Variants in NDST4 observed in about 807,000 individuals in gnomAD.
The protein encoded by NDST4 is N-deacetylase and N-sulfotransferase 4.
In NDST4, 63 loss-of-function variants were observed where a neutral mutation model predicts 100.8. The observed-to-expected ratio is 0.62, with a 90% CI of 0.51 to 0.77. The LOEUF (loss-of-function observed/expected upper bound fraction) is 0.77. Among genes scored for constraint, NDST4 ranks in the 30% least tolerant of loss-of-function variants. NDST4 has a pLI of 0.00. For missense variants in NDST4, 943 were observed against 1,018.4 expected, an observed-to-expected ratio of 0.93 and a Z score of 1.01; for synonymous variants, 377 against 361.8, an observed-to-expected ratio of 1.04 and a Z score of -0.48.
At chr4:114,829,743 T>C in intron 13 of NDST4, 47 bp downstream of exon 13, 1 of 1,426,230 alleles carries the variant, frequency 7.0e-7, no homozygotes, top group Non-Finnish European at 9.6e-7. Context: ...AAATAGCTGT[T>C]TGCAAATATT....
chr4:114,846,814 T>C (rs975019955), intron 9 of NDST4, among the ~76,000 whole-genome samples: 1 of 152,198 alleles, frequency 6.6e-6, no homozygotes, highest in Non-Finnish European at 1.5e-5. Context: ...ACATTTGTTA[T>C]TATGTTTCCC....
chr4:114,959,935 A>T (rs1726223971), intron 4 of NDST4, among the ~76,000 whole-genome samples: 1 of 152,184 alleles, frequency 6.6e-6, no homozygotes, highest in African/African-American at 2.4e-5. Flanking sequence ...CACATATAAG[A>T]AGCTCAGTGA....
At position 114,890,198 on chromosome 4, in the gene NDST4, TAA is replaced by T. The variant is rs1464557346; in HGVS notation, c.1537-19250_1537-19249del. On this transcript the variant is annotated intron_variant, in intron 6 of 13. Transcript: ENST00000264363. ...GTTAACAATGGAAAGCTCTGTTTTA[TAA>T]AGTCTCTTGACATCTTTTTTTGTAG... Among the ~76,000 whole-genome samples, 5 of 152,276 alleles carry T rather than the reference TAA, an allele frequency of 3.3e-5. No individual in the cohort carries two copies. The East Asian group carries it at 5.8e-4, about 18-fold the overall frequency.
intron 6 of NDST4, among the ~76,000 whole-genome samples, chr4:114,924,185 A>C (rs1483879066): frequency 6.6e-6 from 1 of 152,150 alleles, no homozygotes; most frequent in Non-Finnish European, 1.5e-5. Flanking sequence ...CTATTGTGGA[A>C]AATTGAAACA....
intron 2 of NDST4, among the ~76,000 whole-genome samples, chr4:114,989,204 C>A (rs1328482555): frequency 6.6e-6 from 1 of 152,114 alleles, no homozygotes; most frequent in African/African-American, 2.4e-5. Flanking sequence ...AACAGCAATA[C>A]CAAAAATGCA....
intron 2 of NDST4, among the ~76,000 whole-genome samples, chr4:114,987,853 G>A (rs1726946757): frequency 6.6e-6 from 1 of 152,140 alleles, no homozygotes; most frequent in Admixed American, 6.5e-5. Flanking sequence ...TTAAGTGAAT[G>A]TCTGATCATG....
chr4:114,916,718 G>T (rs1455012145), intron 6 of NDST4, among the ~76,000 whole-genome samples: 2 of 150,984 alleles, frequency 1.3e-5, no homozygotes, highest in African/African-American at 4.9e-5. Flanking sequence ...TTAGAGACAG[G>T]GTCTTACCAT....
chr4:114,899,416 A>G (rs528789618), intron 6 of NDST4, among the ~76,000 whole-genome samples: 103 of 152,202 alleles, frequency 6.8e-4, no homozygotes, highest in African/African-American at 2.4e-3. Flanking sequence ...TGACTTCATG[A>G]TCCACCCACC....
At chr4:114,868,798 T>G (rs901654383) in intron 7 of NDST4, among the ~76,000 whole-genome samples, 1 of 151,614 alleles carries the variant, frequency 6.6e-6, no homozygotes, top group Non-Finnish European at 1.5e-5. Context: ...TATATGAAAA[T>G]TCCTAAACTT....
At chr4:115,107,572 T>C (rs1481317151) in intron 1 of NDST4, among the ~76,000 whole-genome samples, 1 of 152,064 alleles carries the variant, frequency 6.6e-6, no homozygotes, top group Non-Finnish European at 1.5e-5. Flanking sequence ...GAAAGGCATT[T>C]CCTGACCAGT....
chr4:114,964,938 T>G (rs1443046294), intron 4 of NDST4, among the ~76,000 whole-genome samples: 3 of 151,056 alleles, frequency 2.0e-5, no homozygotes, highest in Non-Finnish European at 4.5e-5. Flanking sequence ...AATTTCCTTC[T>G]TTTTTCAATG....
At chr4:115,036,770 T>C (rs2126272243) in intron 2 of NDST4, among the ~76,000 whole-genome samples, 1 of 151,994 alleles carries the variant, frequency 6.6e-6, no homozygotes, top group Non-Finnish European at 1.5e-5. Flanking sequence ...GTCTTAAACA[T>C]AAAGATATTA....
intron 10 of NDST4, 54 bp downstream of exon 10, chr4:114,845,769 C>A: frequency 1.4e-6 from 2 of 1,476,142 alleles, no homozygotes; most frequent in Admixed American, 1.9e-5. Flanking sequence ...TTTTTCATTG[C>A]CTCCATTTAA....
intron 2 of NDST4, among the ~76,000 whole-genome samples, chr4:115,060,014 C>T (rs1463173078): frequency 6.6e-6 from 1 of 151,944 alleles, no homozygotes; most frequent in Non-Finnish European, 1.5e-5. Flanking sequence ...TCAGATAGTT[C>T]CCGTTCCACT....
At chr4:114,971,574 T>C (rs1478479908) in intron 3 of NDST4, among the ~76,000 whole-genome samples, 1 of 152,150 alleles carries the variant, frequency 6.6e-6, no homozygotes, top group Non-Finnish European at 1.5e-5. Flanking sequence ...TCTTACTACT[T>C]AACTGTGTAA....
chr4:114,953,030 T>G (rs1277388344), intron 4 of NDST4, among the ~76,000 whole-genome samples: 1 of 150,974 alleles, frequency 6.6e-6, no homozygotes, highest in Non-Finnish European at 1.5e-5. Flanking sequence ...CTTTTTTTTT[T>G]TCTTTTTTTT....
At chr4:114,909,021 C>G (rs997235627) in intron 6 of NDST4, among the ~76,000 whole-genome samples, 4 of 152,020 alleles carry the variant, frequency 2.6e-5, no homozygotes, top group African/African-American at 4.8e-5. Flanking sequence ...TAGAACAAAT[C>G]TTTTTCTACT....
At chr4:115,075,312 T>C (rs530315125) in intron 2 of NDST4, among the ~76,000 whole-genome samples, 1 of 152,328 alleles carries the variant, frequency 6.6e-6, no homozygotes, top group South Asian at 2.1e-4. Context: ...GGTCTTGTGC[T>C]GTTTCTCCAT....
chr4:114,986,793 C>CATATGTGTATATATATATATAT (rs1218840726), intron 2 of NDST4, among the ~76,000 whole-genome samples: 1 of 91,148 alleles, frequency 1.1e-5, no homozygotes, highest in African/African-American at 4.5e-5. Context: ...TCCAATTATA[C>CATATGTGTATATATATATATAT]ATATATATAT....
Sources: allele counts gnomAD v4.1 joint callset (sites outside exome capture counted in the v4.1 genomes callset), GRCh38; gene constraint gnomAD v4.1.1; transcripts MANE v1.5; gene names NCBI Gene and HGNC (gene_info 2026-07-23, HGNC 2026-07-21).